Variants in SESN1 observed in about 807,000 individuals in gnomAD.
SESN1 encodes the protein sestrin 1, also known as sestrin-1.
SESN1 carries 30 observed loss-of-function variants against 59.3 expected under a neutral mutation model. That is an observed-to-expected ratio of 0.51 (90% confidence interval 0.38 to 0.69). SESN1 has a LOEUF of 0.69. Ranked by LOEUF, SESN1 falls within the 30% of genes least tolerant of loss-of-function variation. The pLI is 0.00. For synonymous variants in SESN1, 197 were observed against 219.9 expected (o/e 0.90, Z 0.92); for missense variants, 566 against 673.0 (o/e 0.84, Z 1.76).
At chr6:108,991,093 T>G (rs781478108) in intron 7 of SESN1, among the ~76,000 whole-genome samples, 11 of 149,480 alleles carry the variant, frequency 7.4e-5, no homozygotes, top group Non-Finnish European at 1.3e-4. Context: ...AAAAAAAAAC[T>G]AATAGTCTCT....
intron 1 of SESN1, among the ~76,000 whole-genome samples, chr6:109,068,852 C>T (rs1780879897): frequency 6.6e-6 from 1 of 151,856 alleles, no homozygotes; most frequent in African/African-American, 2.4e-5. Context: ...TCCCAAGTAG[C>T]TGGGATTACA....
At chr6:109,009,668 C>T in intron 1 of SESN1, 1 of 577,516 alleles carries the variant, frequency 1.7e-6, no homozygotes, top group Non-Finnish European at 2.2e-6. Flanking sequence ...CGCAAAGCAC[C>T]GCCCCTCCGG....
In SESN1 at chr6:109,094,481, TTTTGTCTG is replaced by T. The variant is rs1638623572; in HGVS notation, c.-416_-409del. On this transcript the variant is annotated 5_prime_UTR_variant, in exon 1 of 10. Coordinates refer to ENST00000436639, the MANE Select transcript of SESN1 (RefSeq NM_014454.3). Reference sequence around the variant, plus strand: ...AACGCCCTCCAGCCATTCGGGGCTTTTTTGTCTGTGCAGCCACCGGGTTCTCTCCGGCG... The same window carrying T: ...AACGCCCTCCAGCCATTCGGGGCTTTTGCAGCCACCGGGTTCTCTCCGGCG... 6.0e-6 allele frequency: 1 copy of T among 167,572 alleles called. No homozygotes were observed. Among genetic ancestry groups the T allele is most frequent in the Admixed American group, 6.1e-5 (1 of 16,404 alleles). The allele number at this position is 167,572 out of a possible 1,614,324, so 10.4% of individuals were successfully genotyped here. A position where few individuals can be genotyped will look rare whatever the true frequency, so the allele number is the denominator to read the frequency against.
chr6:109,046,673 G>A (rs1780445772), intron 1 of SESN1, among the ~76,000 whole-genome samples: 1 of 137,922 alleles, frequency 7.3e-6, no homozygotes, highest in South Asian at 2.7e-4. Context: ...CATCTAGGAA[G>A]TGAGGAGCGT....
chr6:109,040,564 A>C (rs577168865), intron 1 of SESN1, among the ~76,000 whole-genome samples: 34 of 152,298 alleles, frequency 2.2e-4, no homozygotes, highest in African/African-American at 7.2e-4. Flanking sequence ...ACAATGATTA[A>C]ATTAAAACAG....
intron 1 of SESN1, among the ~76,000 whole-genome samples, chr6:109,081,191 C>T (rs1781115923): frequency 6.6e-6 from 1 of 152,192 alleles, no homozygotes; most frequent in African/African-American, 2.4e-5. Flanking sequence ...AAGCAATCCT[C>T]CTACTTTACC....
intron 1 of SESN1, among the ~76,000 whole-genome samples, chr6:109,050,581 A>T (rs1007187643): frequency 7.9e-5 from 12 of 152,300 alleles, no homozygotes; most frequent in Middle Eastern, 3.4e-3. Flanking sequence ...GCAGGCAAAC[A>T]TCAAAGCAGT....
rs571462010 is a variant in SESN1, at chr6:109,092,326, T to G, written c.279+1469A>C. Among the ~76,000 whole-genome samples the G allele has an allele frequency of 7.2e-5, 11 of 152,312 alleles. 1 individual carries two copies. In the East Asian group the frequency reaches 1.9e-3, roughly 27 times the overall value. ...TGCCCAAGGTTACAGGCAAGGACAT[T>G]AGTAAAGGAGTGGAATTTGAGCCCA... On this transcript the variant is annotated intron_variant, in intron 1 of 9. Transcript: ENST00000436639.
intron 4 of SESN1, 196 bp from the exon 5 acceptor site, chr6:108,998,951 C>A: frequency 2.1e-6 from 1 of 478,156 alleles, no homozygotes; most frequent in Non-Finnish European, 3.6e-6. Context: ...TTAACATAAT[C>A]TGTTAAGACA....
At chr6:108,994,428 A>G (rs754135701) in intron 6 of SESN1, 34 bp downstream of exon 6, 6 of 1,541,998 alleles carry the variant, frequency 3.9e-6, no homozygotes, top group African/African-American at 1.4e-5. Context: ...TGAGTTTGCA[A>G]TAATTATATT....
chr6:109,068,467 T>G (rs1322297296), intron 1 of SESN1, among the ~76,000 whole-genome samples: 1 of 152,062 alleles, frequency 6.6e-6, no homozygotes, highest in African/African-American at 2.4e-5. Context: ...ATTTGTAATT[T>G]GGAAGATAAG....
At chr6:109,033,815 A>T (rs980267633) in intron 1 of SESN1, among the ~76,000 whole-genome samples, 10 of 152,218 alleles carry the variant, frequency 6.6e-5, no homozygotes, top group African/African-American at 2.4e-4. Context: ...AATTAAGAAC[A>T]AGCTTTTAGT....
rs779049931 is a variant in SESN1, at chr6:109,002,234, C to T, written c.345+44G>A. On this transcript the variant is annotated intron_variant, in intron 2 of 9. Coordinates refer to ENST00000436639, the MANE Select transcript of SESN1 (RefSeq NM_014454.3). Reference sequence around the variant, plus strand: ...AACATGTGGGTCATGAAAGCTCTTCCTTAAAAGCATACAGTTCACTATGTA... The same window carrying T: ...AACATGTGGGTCATGAAAGCTCTTCTTTAAAAGCATACAGTTCACTATGTA... 6.4e-6 allele frequency: 10 copies of T among 1,558,884 alleles called. 1 individual carries two copies. In the South Asian group the frequency reaches 8.9e-5, roughly 14 times the overall value.
At chr6:109,067,453 A>G (rs1314124934) in intron 1 of SESN1, among the ~76,000 whole-genome samples, 1 of 152,254 alleles carries the variant, frequency 6.6e-6, no homozygotes, top group Non-Finnish European at 1.5e-5. Flanking sequence ...CTGAACGCTA[A>G]GTAAGATAAC....
At chr6:109,056,480 A>C (rs1213428867) in intron 1 of SESN1, among the ~76,000 whole-genome samples, 1 of 152,202 alleles carries the variant, frequency 6.6e-6, no homozygotes, top group Non-Finnish European at 1.5e-5. Flanking sequence ...AACTCTACGA[A>C]CAGGCAATAC....
chr6:109,043,506 A>C (rs1780374932), intron 1 of SESN1, among the ~76,000 whole-genome samples: 1 of 152,208 alleles, frequency 6.6e-6, no homozygotes, highest in Non-Finnish European at 1.5e-5. Context: ...TCCTAGAACT[A>C]ATAAGGGAGT....
Position 108,990,820 on chromosome 6 carries a change from C to T in SESN1, c.1249G>A (p.Asp417Asn). ...TFRVQDYCWE[D>N]HGYSLVNRLY... is the part of the protein sequence containing the mutation. ...CGATTTACCAAAGAATAACCATGATCTTCCCAGCAATAGTCCTAAATACAG... is the reference window on the plus strand; with the variant it reads ...CGATTTACCAAAGAATAACCATGATTTTCCCAGCAATAGTCCTAAATACAG... Residue 417 changes from aspartate to asparagine, a missense_variant, in exon 8 of 10, where the codon GAT becomes AAT. Asp to Asn is a conservative substitution (Grantham distance 23). Transcript: ENST00000436639. The T allele has an allele frequency of 6.2e-7, 1 of 1,613,858 alleles. No homozygotes were observed. Among genetic ancestry groups the T allele is most frequent in the Non-Finnish European group, 8.5e-7 (1 of 1,179,950 alleles).
In SESN1 at chr6:108,987,473, G is replaced by A. The variant is rs550940449; in HGVS notation, c.*71C>T. 6 of 805,426 alleles carry A rather than the reference G, an allele frequency of 7.4e-6. No homozygotes were observed. In the African/African-American group the frequency reaches 1.0e-4, roughly 14 times the overall value. The allele number at this position is 805,426 out of a possible 1,614,324, so 49.9% of individuals were successfully genotyped here. ...TATTTTGTCTACCATTGGTCCTGGG[G>A]CTTAGTACCTTCCCCCTTGTAGACT... On this transcript the variant is annotated 3_prime_UTR_variant, in exon 10 of 10. Transcript: ENST00000436639.
At chr6:109,069,917 A>T (rs1276680887) in intron 1 of SESN1, among the ~76,000 whole-genome samples, 1 of 152,114 alleles carries the variant, frequency 6.6e-6, no homozygotes, top group African/African-American at 2.4e-5. Flanking sequence ...CATAGCAATG[A>T]ATTACTTAAA....
Sources: allele counts gnomAD v4.1 joint callset (sites outside exome capture counted in the v4.1 genomes callset), GRCh38; gene constraint gnomAD v4.1.1; transcripts MANE v1.5; gene names NCBI Gene and HGNC (gene_info 2026-07-23, HGNC 2026-07-21).